The following SSH3 variants were observed in gnomAD, a reference collection of about 807,000 sequenced individuals.
SSH3 encodes the protein slingshot protein phosphatase 3.
SSH3 carries 67 observed loss-of-function variants against 75.0 expected under a neutral mutation model. The observed-to-expected ratio is 0.89, with a 90% CI of 0.73 to 1.10. The LOEUF is 1.10. SSH3 is among the 50% of genes least tolerant of loss of function. The pLI is 0.00. For synonymous variants in SSH3, 318 were observed against 349.2 expected, an observed-to-expected ratio of 0.91 and a Z score of 1.00; for missense variants, 824 against 872.7, an observed-to-expected ratio of 0.94 and a Z score of 0.70.
Position 67,307,345 on chromosome 11 carries a change from C to A in SSH3, c.537-26C>A. 1 of 1,613,250 alleles carries A rather than the reference C, an allele frequency of 6.2e-7. No homozygotes were observed. The highest frequency in any genetic ancestry group is 8.5e-7 in the Non-Finnish European group (1 of 1,179,902). ...CTCTGTCGCAGAGCCTGGAGTCTGG[C>A]CTCACCTGTGCCTGGTCTCCTGCAG... On this transcript the variant is annotated intron_variant, in intron 5 of 13. Coordinates refer to ENST00000308127, the MANE Select transcript of SSH3 (RefSeq NM_017857.4). This position sits in a 1 kb window ranked among gnomAD's most constrained non-coding sequence, Gnocchi z 4.2.
chr11:67,307,993 C>T lies in SSH3; in HGVS notation c.885+54C>T, dbSNP rs575815852. 3.1e-6 allele frequency: 5 copies of T among 1,609,742 alleles called. No homozygotes were observed. In the Admixed American group the frequency reaches 6.7e-5, roughly 22 times the overall value. Reference sequence around the variant, plus strand: ...CCTCTAGCAGGGGCTGCAAGCTTGCCTTTCCTGGGAGCCCTCCCCACCTTG... The same window carrying T: ...CCTCTAGCAGGGGCTGCAAGCTTGCTTTTCCTGGGAGCCCTCCCCACCTTG... On this transcript the variant is annotated intron_variant, in intron 8 of 13. Coordinates refer to ENST00000308127, the MANE Select transcript of SSH3 (RefSeq NM_017857.4). This position sits in a 1 kb window ranked among gnomAD's most constrained non-coding sequence, Gnocchi z 4.2.
intron 1 of SSH3, 101 bp from the exon 2 acceptor site, chr11:67,304,016 TC>T (rs1340949299): frequency 1.4e-6 from 2 of 1,410,036 alleles, no homozygotes; most frequent in Admixed American, 4.2e-5. Context: ...ACGATTGGCA[TC>T]TGGCGCCTTT....
Position 67,311,904 on chromosome 11 carries a change from A to T in SSH3, c.*17A>T. ...GAGGCCTGAGCCCTCACACATGCCC[A>T]CGCTCCCCTGACACTGAAGAGGATC... is the stretch of plus-strand genomic sequence containing the variant. On this transcript the variant is annotated 3_prime_UTR_variant, in exon 14 of 14. Transcript: ENST00000308127. The T allele has an allele frequency of 6.2e-7, 1 of 1,604,462 alleles. No individual in the cohort carries two copies. The highest frequency in any genetic ancestry group is 8.5e-7 in the Non-Finnish European group (1 of 1,177,962).
chr11:67,309,788 T>C lies in SSH3; in HGVS notation c.1229T>C (p.Leu410Pro), dbSNP rs1339165094. 6.2e-7 allele frequency: 1 copy of C among 1,613,102 alleles called. No individual in the cohort carries two copies. Among genetic ancestry groups the C allele is most frequent in the African/African-American group, 1.3e-5 (1 of 74,962 alleles). Residue 410 changes from leucine (L) to proline (P), a missense_variant, in exon 12 of 14, where the codon CTG (leucine) becomes CCG (proline). Coordinates refer to ENST00000308127, the MANE Select transcript of SSH3 (RefSeq NM_017857.4). ...EAARAQGTHVLVHCKMGVSRS... is the reference protein window; with the variant it reads ...EAARAQGTHVPVHCKMGVSRS... Reference sequence around the variant, plus strand: ...CACAGAGCACAGGGCACCCACGTGCTGGTCCACTGCAAGATGGGCGTCAGC... The same window carrying C: ...CACAGAGCACAGGGCACCCACGTGCCGGTCCACTGCAAGATGGGCGTCAGC...
In SSH3 at chr11:67,310,216, A is replaced by G. The variant is rs749074281; in HGVS notation, c.1560A>G (p.Ala520=). 11 of 1,614,108 alleles carry G rather than the reference A, an allele frequency of 6.8e-6. No homozygotes were observed. The highest frequency in any genetic ancestry group is 9.3e-6 in the Non-Finnish European group (11 of 1,180,048). ...TTGTAGGCATGGAAGAGAGCCAGGC[A>G]GCCCCGAAAGAAGAGCCTGGGCCAC... ...EKVVGMEESQ[A]APKEEPGPRP... is the part of the protein sequence containing the mutation. The change falls in exon 13 of 14, where the codon GCA becomes GCG. Residue 520 remains alanine (A), a synonymous_variant. Transcript: ENST00000308127.
rs984341020 is a variant in SSH3 at position 67,308,712 on chromosome 11, C to T, written c.1061+254C>T. On this transcript the variant is annotated intron_variant, in intron 10 of 13. Coordinates refer to ENST00000308127, the MANE Select transcript of SSH3 (RefSeq NM_017857.4). This position sits in a 1 kb window ranked among gnomAD's most constrained non-coding sequence, Gnocchi z 4.9. ...GGACAGAAACAAAGGGCCTCAGCCA[C>T]GCCAAGACGAGAAGCAGCAGCGCAT... Among the ~76,000 whole-genome samples, 2 of 151,918 alleles carry T rather than the reference C, an allele frequency of 1.3e-5. No homozygotes were observed. The highest frequency in any genetic ancestry group is 1.9e-4 in the East Asian group (1 of 5,144).
chr11:67,311,198 G>A lies in SSH3; in HGVS notation c.1684-393G>A, dbSNP rs116982753. ...AAGAGGTCCTCACCCAGCACCGGAC[G>A]CACGCATCCACCCAGCCCAGCTCAG... On this transcript the variant is annotated intron_variant, in intron 13 of 13. Coordinates refer to ENST00000308127, the MANE Select transcript of SSH3 (RefSeq NM_017857.4). Among the ~76,000 whole-genome samples, 133 of 152,306 alleles carry A rather than the reference G, an allele frequency of 8.7e-4. No individual in the cohort carries two copies. The East Asian group carries it at 0.018, about 20-fold the overall frequency.
Position 67,306,831 on chromosome 11 carries a change from C to A in SSH3, c.340-7C>A, listed in dbSNP as rs1428969433. 5 of 1,607,108 alleles carry A rather than the reference C, an allele frequency of 3.1e-6. No homozygotes were observed. Among genetic ancestry groups the A allele is most frequent in the Non-Finnish European group, 4.3e-6 (5 of 1,176,370 alleles). Reference sequence around the variant, plus strand: ...ACTGTGACCCTGGGTTCCTCATCTCCCCCCAGGCAGCCCAGCTGGAGGCAC... The same window carrying A: ...ACTGTGACCCTGGGTTCCTCATCTCACCCCAGGCAGCCCAGCTGGAGGCAC... On this transcript the variant is annotated splice_polypyrimidine_tract_variant and splice_region_variant and intron_variant, in intron 3 of 13. Transcript: ENST00000308127.
In SSH3 at chr11:67,310,083, G is replaced by A. The variant is rs1590888393; in HGVS notation, c.1427G>A (p.Trp476Ter). Residue 476 changes from tryptophan (W) to a stop codon, truncating the protein, a stop_gained, in exon 13 of 14, where the codon TGG becomes TAG. Transcript: ENST00000308127. LOFTEE classifies it high-confidence loss of function. ...CCTCACAGCCGCCAGAGCCATGTCT[G>A]GGAGCAGAAAGTGGGTGGGGTCTCC... ...ILTASRQSHV[W>*]EQKVGGVSPE... 1 of 1,613,454 alleles carries A rather than the reference G, an allele frequency of 6.2e-7. No homozygotes were observed. Among genetic ancestry groups the A allele is most frequent in the East Asian group, 2.2e-5 (1 of 44,858 alleles).
chr11:67,305,374 G>A (rs531571759), intron 3 of SSH3, among the ~76,000 whole-genome samples: 1 of 152,084 alleles, frequency 6.6e-6, no homozygotes, highest in Non-Finnish European at 1.5e-5. Flanking sequence ...ATTTTTAGTA[G>A]AGATGCGGTT....
chr11:67,307,804 G>A lies in SSH3; in HGVS notation c.792-42G>A. The A allele has an allele frequency of 6.2e-7, 1 of 1,614,034 alleles. No individual in the cohort carries two copies. Among genetic ancestry groups the A allele is most frequent in the Non-Finnish European group, 8.5e-7 (1 of 1,179,986 alleles). The stretch of plus-strand genomic sequence containing the variant: ...GGATAATGCAGTGGGGGGCATGGTG[G>A]AGAGGGGAAAGGGCCCCTTGACTGA... On this transcript the variant is annotated intron_variant, in intron 7 of 13. Transcript: ENST00000308127. The surrounding 1 kb of genome is among the most constrained non-coding windows in gnomAD (Gnocchi z 4.2).
In SSH3 at chr11:67,308,305, G is replaced by A; in HGVS notation, c.1014+3G>A. ...GCATCTTCCCCCACCTCTACCTGGTGAGCTTCAGCCAGGCCTGGGCCATGG... is the reference window on the plus strand; with the variant it reads ...GCATCTTCCCCCACCTCTACCTGGTAAGCTTCAGCCAGGCCTGGGCCATGG... On this transcript the variant is annotated splice_donor_region_variant and intron_variant, in intron 9 of 13. Transcript: ENST00000308127. This position sits in a 1 kb window ranked among gnomAD's most constrained non-coding sequence, Gnocchi z 4.9. The A allele has an allele frequency of 6.2e-7, 1 of 1,614,162 alleles. No homozygotes were observed. Among genetic ancestry groups the A allele is most frequent in the Non-Finnish European group, 8.5e-7 (1 of 1,180,022 alleles).
intron 2 of SSH3, 116 bp from the exon 3 acceptor site, chr11:67,304,657 G>C: frequency 9.6e-7 from 1 of 1,041,740 alleles, no homozygotes; most frequent in Non-Finnish European, 1.4e-6. Context: ...GACCGCGTGG[G>C]GGCCCATGAA....
At position 67,307,015 on chromosome 11, in the gene SSH3, A is replaced by G. The variant is rs758804028; in HGVS notation, c.465-27A>G. ...CAAAGAGGTGAGGGACAGGGGGGAC[A>G]ATGGCTTTCCCTCTGTCCCCTGCCA... On this transcript the variant is annotated intron_variant, in intron 4 of 13. Coordinates refer to ENST00000308127, the MANE Select transcript of SSH3 (RefSeq NM_017857.4). This position sits in a 1 kb window ranked among gnomAD's most constrained non-coding sequence, Gnocchi z 4.2. 1 of 1,613,754 alleles carries G rather than the reference A, an allele frequency of 6.2e-7. No individual in the cohort carries two copies. Among genetic ancestry groups the G allele is most frequent in the Admixed American group, 1.7e-5 (1 of 59,998 alleles).
In SSH3 at chr11:67,308,077, A is replaced by T; in HGVS notation, c.886-97A>T. 1 of 1,588,988 alleles carries T rather than the reference A, an allele frequency of 6.3e-7. No individual in the cohort carries two copies. On this transcript the variant is annotated intron_variant, in intron 8 of 13. Coordinates refer to ENST00000308127, the MANE Select transcript of SSH3 (RefSeq NM_017857.4). This position sits in a 1 kb window ranked among gnomAD's most constrained non-coding sequence, Gnocchi z 4.9. ...TTGGCCTTGGCCCTAATCCATCTAG[A>T]TGGGATAGGGTGCTGTCCTCAGAGG...
intron 1 of SSH3, 79 bp from the exon 2 acceptor site, chr11:67,304,039 C>A (rs1214077710): frequency 2.6e-6 from 4 of 1,509,708 alleles, no homozygotes; most frequent in Middle Eastern, 1.7e-4. Flanking sequence ...CTGGCCTCCC[C>A]CAACTCTAGA....
chr11:67,309,312 C>A, intron 10 of SSH3, 85 bp from the exon 11 acceptor site: 1 of 1,554,020 alleles, frequency 6.4e-7, no homozygotes. Context: ...AGAGCTAAAG[C>A]GAGGCCCAGG....
In SSH3 at chr11:67,306,969, G is replaced by A. The variant is rs370797626; in HGVS notation, c.464+7G>A. On this transcript the variant is annotated splice_region_variant and intron_variant, in intron 4 of 13. Coordinates refer to ENST00000308127, the MANE Select transcript of SSH3 (RefSeq NM_017857.4). ...TGGATTTCCCTGACAGCAGGTTCGA[G>A]CAGGGAGAGGAAAGGAGGGGCAAAG... is the stretch of plus-strand genomic sequence containing the variant. 1.2e-6 allele frequency: 2 copies of A among 1,612,286 alleles called. No individual in the cohort carries two copies. The highest frequency in any genetic ancestry group is 1.7e-5 in the Admixed American group (1 of 59,946).
Position 67,307,424 on chromosome 11 carries a change from TCCAGA to T in SSH3, c.594_598del (p.Gln198HisfsTer13). 1.2e-6 allele frequency: 2 copies of T among 1,613,954 alleles called. No individual in the cohort carries two copies. Among genetic ancestry groups the T allele is most frequent in the Middle Eastern group, 1.6e-4 (1 of 6,062 alleles). ...AGCCGGATCTTCAAGCCCATCTCCA[TCCAGA>T]CCATGTGGTAAGGACAGAGACTGCC... is the stretch of plus-strand genomic sequence containing the variant. On this transcript the variant is annotated frameshift_variant, in exon 6 of 14. Coordinates refer to ENST00000308127, the MANE Select transcript of SSH3 (RefSeq NM_017857.4). The surrounding 1 kb of genome is among the most constrained non-coding windows in gnomAD (Gnocchi z 4.2).
Sources: gnomAD v4.1 joint callset for allele counts (sites outside exome capture counted in the v4.1 genomes callset) on GRCh38, gnomAD v4.1.1 for gene constraint, Gnocchi (gnomAD v3.1) non-coding constraint, MANE v1.5 for transcripts, NCBI Gene and HGNC (gene_info 2026-07-23, HGNC 2026-07-21) for gene names.